The following RNF216 variants were observed in gnomAD, a reference collection of about 807,000 sequenced individuals.
RNF216 encodes E3 ubiquitin-protein ligase RNF216.
Under a neutral mutation model 110.8 loss-of-function variants are expected in RNF216, and 72 were observed. That is an observed-to-expected ratio of 0.65 (90% CI 0.54 to 0.79). The LOEUF (loss-of-function observed/expected upper bound fraction) is 0.79. RNF216 is among the 30% of genes least tolerant of loss of function. RNF216 has a pLI of 0.00. For missense variants in RNF216, 1,342 were observed against 1,141.2 expected (o/e 1.18, Z -2.54); for synonymous variants, 495 against 407.5 (o/e 1.21, Z -2.59).
intron 4 of RNF216, 125 bp downstream of exon 4, chr7:5,740,848 A>G: frequency 1.2e-6 from 1 of 845,928 alleles, no homozygotes; most frequent in African/African-American, 1.7e-5. Context: ...GTACATCTAG[A>G]TATATACTTC....
At chr7:5,774,584 C>G (rs1388706972) in intron 1 of RNF216, among the ~76,000 whole-genome samples, 2 of 152,116 alleles carry the variant, frequency 1.3e-5, no homozygotes, top group Non-Finnish European at 2.9e-5. Flanking sequence ...ACAGAAAAAT[C>G]AAAATAGCTA....
At position 5,756,586 on chromosome 7, in the gene RNF216, G is replaced by A. The variant is rs1795654605; in HGVS notation, c.68-3607C>T. On this transcript the variant is annotated intron_variant, in intron 2 of 16. Coordinates refer to ENST00000389902, the MANE Select transcript of RNF216 (RefSeq NM_207111.4). ...ATTTTTGTATTTTTAGTAGAGATGGGGTTTCCCCATGTTGGCTAGGCTGGG... is the reference window on the plus strand; with the variant it reads ...ATTTTTGTATTTTTAGTAGAGATGGAGTTTCCCCATGTTGGCTAGGCTGGG... Among the ~76,000 whole-genome samples, 8 of 152,228 alleles carry A rather than the reference G, an allele frequency of 5.3e-5. No individual in the cohort carries two copies. The South Asian group carries it at 1.7e-3, about 32-fold the overall frequency.
At chr7:5,632,457 T>C (rs763770441) in intron 15 of RNF216, among the ~76,000 whole-genome samples, 20 of 151,774 alleles carry the variant, frequency 1.3e-4, no homozygotes, top group Non-Finnish European at 2.5e-4. Flanking sequence ...TGAGAGGGAG[T>C]GGATGCTGAT....
At chr7:5,714,978 C>T in intron 11 of RNF216, 75 bp downstream of exon 11, 3 of 1,414,964 alleles carry the variant, frequency 2.1e-6, no homozygotes, top group Non-Finnish European at 2.9e-6. Context: ...GGCACTTACA[C>T]TTATCTATCA....
At chr7:5,636,508 CAAAT>C (rs2128563085) in intron 15 of RNF216, among the ~76,000 whole-genome samples, 1 of 152,306 alleles carries the variant, frequency 6.6e-6, no homozygotes, top group Non-Finnish European at 1.5e-5. Flanking sequence ...CCCTCGCTGA[CAAAT>C]AAGAGATTCT....
intron 3 of RNF216, among the ~76,000 whole-genome samples, chr7:5,748,931 T>G (rs1003025843): frequency 6.6e-6 from 1 of 152,154 alleles, no homozygotes; most frequent in African/African-American, 2.4e-5. Flanking sequence ...TCTCTGTGTC[T>G]CCGTGTCTAT....
At chr7:5,652,630 T>C in intron 13 of RNF216, 120 bp from the exon 14 acceptor site, 1 of 694,710 alleles carries the variant, frequency 1.4e-6, no homozygotes, top group Non-Finnish European at 2.6e-6. Context: ...AGAGGATGCC[T>C]CTCCTTTTCA....
At chr7:5,657,290 G>A (rs888405207) in intron 13 of RNF216, among the ~76,000 whole-genome samples, 9 of 152,164 alleles carry the variant, frequency 5.9e-5, no homozygotes, top group East Asian at 3.9e-4. Context: ...AGACTGGGCC[G>A]GGTGCAGTGG....
chr7:5,728,313 C>T (rs934612984), intron 7 of RNF216, among the ~76,000 whole-genome samples: 3 of 152,024 alleles, frequency 2.0e-5, no homozygotes, highest in African/African-American at 7.2e-5. Flanking sequence ...GGCACGGTGG[C>T]TCATGTAGGT....
intron 13 of RNF216, among the ~76,000 whole-genome samples, chr7:5,698,779 TG>T (rs1215728239): frequency 1.3e-5 from 2 of 152,206 alleles, no homozygotes; most frequent in Admixed American, 1.3e-4. Flanking sequence ...AGAAGAATCT[TG>T]TGCAGAGAAA....
chr7:5,725,239 T>G, intron 8 of RNF216, 85 bp downstream of exon 8: 11 of 809,522 alleles, frequency 1.4e-5, no homozygotes, highest in Non-Finnish European at 2.3e-5. Flanking sequence ...AGCAGACACC[T>G]GTAGCACGGC....
rs911443904 is a variant in RNF216, at chr7:5,771,754, G to A, written c.-70+9787C>T. ...GGAGGTTGCAGTAGGCTGTGATCCC[G>A]CCACTGCATTCCAGCCTGGGCAATG... On this transcript the variant is annotated intron_variant, in intron 1 of 16. Transcript: ENST00000389902. Among the ~76,000 whole-genome samples the A allele has an allele frequency of 3.9e-5, 6 of 152,134 alleles. 1 individual carries two copies. The highest frequency in any genetic ancestry group is 7.3e-5 in the Non-Finnish European group (5 of 68,032).
In RNF216 at chr7:5,632,877, A is replaced by AG. The variant is rs1464314280; in HGVS notation, c.2382+8276_2382+8277insC. 4.6e-5 allele frequency among the ~76,000 whole-genome samples: 7 copies of AG among 152,242 alleles called. No individual in the cohort carries two copies. The East Asian group carries it at 1.3e-3, about 29-fold the overall frequency. On this transcript the variant is annotated intron_variant, in intron 15 of 16. Transcript: ENST00000389902. The stretch of plus-strand genomic sequence containing the variant: ...AATGAGTACCATGACGAAGCACACG[A>AG]ATGGCACCACAGTGGGCAGTGCACC...
In RNF216 at chr7:5,741,672, G is replaced by T. The variant is rs144835147; in HGVS notation, c.345C>A (p.Asn115Lys). Residue 115 changes from asparagine (N) to lysine (K), a missense_variant, in exon 4 of 17, where the codon AAC becomes AAA. Transcript: ENST00000389902. ...GTGCCCCAGAATCAAACAATGGGTTGTTACACACTGAAAAATAGCTGCTCT... is the reference window on the plus strand; with the variant it reads ...GTGCCCCAGAATCAAACAATGGGTTTTTACACACTGAAAAATAGCTGCTCT... The part of the protein sequence containing the change: ...SDKSSYFSVC[N>K]NPLFDSGAQD... 21 of 1,614,050 alleles carry T rather than the reference G, an allele frequency of 1.3e-5. No individual in the cohort carries two copies. The East Asian group carries it at 4.7e-4, about 36-fold the overall frequency.
chr7:5,687,145 C>CA (rs1415033662), intron 13 of RNF216, among the ~76,000 whole-genome samples: 2 of 152,052 alleles, frequency 1.3e-5, no homozygotes, highest in East Asian at 3.9e-4. Context: ...CCTGTAATCC[C>CA]AGCACTCTGG....
At chr7:5,713,521 C>G (rs893259169) in intron 11 of RNF216, 1 of 152,256 alleles carries the variant, frequency 6.6e-6, no homozygotes, top group Non-Finnish European at 1.5e-5. Context: ...GGGCTCACAC[C>G]CACCAGGCAG....
intron 4 of RNF216, among the ~76,000 whole-genome samples, chr7:5,740,510 T>C (rs1239743265): frequency 6.6e-6 from 1 of 152,144 alleles, no homozygotes; most frequent in African/African-American, 2.4e-5. Flanking sequence ...TGAGGTAAGC[T>C]GTTAGCCTCA....
intron 13 of RNF216, among the ~76,000 whole-genome samples, chr7:5,697,920 G>T (rs1584470110): frequency 6.6e-6 from 1 of 152,268 alleles, no homozygotes; most frequent in Admixed American, 6.5e-5. Context: ...AAGGGCAAAA[G>T]GACAAGCTGT....
chr7:5,641,583 G>C (rs1787736468), intron 14 of RNF216, among the ~76,000 whole-genome samples: 1 of 152,126 alleles, frequency 6.6e-6, no homozygotes, highest in Non-Finnish European at 1.5e-5. Context: ...CACCTGCCTG[G>C]AGACTCAGTT....
Sources: gnomAD v4.1 joint callset for allele counts (sites outside exome capture counted in the v4.1 genomes callset) on GRCh38, gnomAD v4.1.1 for gene constraint, MANE v1.5 for transcripts, NCBI Gene and HGNC (gene_info 2026-07-23, HGNC 2026-07-21) for gene names.